The following RUNX1T1 variants were observed in gnomAD, a reference collection of about 807,000 sequenced individuals.
RUNX1T1 encodes the protein RUNX1 partner transcriptional co-repressor 1.
A neutral mutation model predicts 62.8 loss-of-function variants in RUNX1T1; 4 were observed. That is an observed-to-expected ratio of 0.06 (90% CI 0.03 to 0.15). The LOEUF is 0.15. Ranked by LOEUF, RUNX1T1 falls within the 10% of genes least tolerant of loss-of-function variation. The pLI, the probability that RUNX1T1 is intolerant of heterozygous loss-of-function variation, is 1.00. For synonymous variants in RUNX1T1, 291 were observed against 286.0 expected (o/e 1.02, Z -0.18); for missense variants, 508 against 754.3 (o/e 0.67, Z 3.82).
At chr8:91,971,987 A>G (rs1045301511) in intron 9 of RUNX1T1, among the ~76,000 whole-genome samples, 1 of 152,134 alleles carries the variant, frequency 6.6e-6, no homozygotes. Context: ...ATTAATTGAA[A>G]ATTTAATAAG....
chr8:92,045,764 T>C (rs572253099), intron 1 of RUNX1T1, among the ~76,000 whole-genome samples: 1 of 152,288 alleles, frequency 6.6e-6, no homozygotes, highest in South Asian at 2.1e-4. Flanking sequence ...GGACTGTGTC[T>C]TCCTCTCTTT....
intron 2 of RUNX1T1, among the ~76,000 whole-genome samples, chr8:92,015,180 A>G (rs1190293552): frequency 6.6e-6 from 1 of 152,206 alleles, no homozygotes; most frequent in Non-Finnish European, 1.5e-5. Flanking sequence ...TTACATCAAT[A>G]TAACAGGACT....
At chr8:91,955,405 T>C, downstream of RUNX1T1, 1 of 227,720 alleles carries the variant, frequency 4.4e-6, no homozygotes, top group East Asian at 6.3e-5. Context: ...AAAAAAAGAG[T>C]AACTATGAAA....
rs1812297892 is a variant in RUNX1T1, at chr8:91,969,398, A to T, written c.1458+1260T>A. ...ATGTTCATGTGAAAGTGACAGTTTTAATGATATGACATCAACTGTGCCTCA... is the reference window on the plus strand; with the variant it reads ...ATGTTCATGTGAAAGTGACAGTTTTTATGATATGACATCAACTGTGCCTCA... On this transcript the variant is annotated intron_variant, in intron 10 of 10. Coordinates refer to ENST00000396218, the Ensembl canonical transcript of RUNX1T1. Among the ~76,000 whole-genome samples, 2 of 152,238 alleles carry T rather than the reference A, an allele frequency of 1.3e-5. 1 individual carries two copies. The highest frequency in any genetic ancestry group is 1.3e-4 in the Admixed American group (2 of 15,286).
At chr8:92,094,964 T>C in intron 1 of RUNX1T1, 1 of 1,251,430 alleles carries the variant, frequency 8.0e-7, no homozygotes, top group African/African-American at 1.5e-5. Context: ...ATCGAGTCTC[T>C]TTAAACCTAT....
chr8:91,961,645 C>A (rs889363359), intron 10 of RUNX1T1, among the ~76,000 whole-genome samples: 13 of 152,206 alleles, frequency 8.5e-5, no homozygotes, highest in Middle Eastern at 3.2e-3. Context: ...AAGAAACTAA[C>A]CTTCAGGGAT....
intron 1 of RUNX1T1, among the ~76,000 whole-genome samples, chr8:92,081,956 A>G (rs778119519): frequency 6.6e-6 from 1 of 151,780 alleles, no homozygotes; most frequent in Non-Finnish European, 1.5e-5. Flanking sequence ...CGCAATCTCC[A>G]CTCACTGCAA....
downstream of RUNX1T1, chr8:91,958,474 A>G: frequency 5.1e-6 from 1 of 195,468 alleles, no homozygotes; most frequent in East Asian, 7.8e-5. Flanking sequence ...AGCAGTGTTA[A>G]AGCTGTCAAT....
chr8:91,971,914 A>T (rs746016522), intron 9 of RUNX1T1, among the ~76,000 whole-genome samples: 2 of 152,188 alleles, frequency 1.3e-5, no homozygotes, highest in Non-Finnish European at 2.9e-5. Flanking sequence ...TAACAGGGGA[A>T]AATATCCTCC....
intron 1 of RUNX1T1, among the ~76,000 whole-genome samples, chr8:92,084,275 G>A (rs1835745593): frequency 7.9e-6 from 1 of 127,100 alleles, no homozygotes; most frequent in Non-Finnish European, 1.6e-5. Flanking sequence ...AAAAGATGGG[G>A]TGTTTTGTTT....
intron 1 of RUNX1T1, among the ~76,000 whole-genome samples, chr8:92,078,786 C>A (rs897074802): frequency 3.3e-5 from 5 of 152,124 alleles, no homozygotes; most frequent in Admixed American, 2.0e-4. Context: ...AGACAGAAAA[C>A]CTTAATCACA....
At chr8:92,089,655 T>G (rs898953300) in intron 1 of RUNX1T1, among the ~76,000 whole-genome samples, 2 of 152,142 alleles carry the variant, frequency 1.3e-5, no homozygotes, top group Admixed American at 1.3e-4. Context: ...TAAAGGCAAT[T>G]TTCCTTGGAC....
exon 1 of RUNX1T1, chr8:92,062,805 C>T: frequency 2.7e-6 from 4 of 1,464,542 alleles, no homozygotes; most frequent in Non-Finnish European, 3.6e-6. Context: ...TTGAACCCAG[C>T]CCTGTCTCTT....
chr8:92,062,214 A>G (rs1832149650), intron 1 of RUNX1T1, among the ~76,000 whole-genome samples: 1 of 152,200 alleles, frequency 6.6e-6, no homozygotes, highest in South Asian at 2.1e-4. Context: ...GATAGTCACA[A>G]AATTCTGAAC....
intron 1 of RUNX1T1, among the ~76,000 whole-genome samples, chr8:92,057,692 A>G (rs1831260716): frequency 6.6e-6 from 1 of 152,202 alleles, no homozygotes; most frequent in South Asian, 2.1e-4. Flanking sequence ...TTACATTAAT[A>G]TTAATTAATG....
At chr8:92,088,295 T>C (rs926785752) in intron 1 of RUNX1T1, among the ~76,000 whole-genome samples, 2 of 152,224 alleles carry the variant, frequency 1.3e-5, no homozygotes, top group African/African-American at 2.4e-5. Flanking sequence ...ACTGTGTACA[T>C]AACATATGCA....
chr8:91,967,552 C>T (rs1444599488), intron 10 of RUNX1T1, among the ~76,000 whole-genome samples: 1 of 152,120 alleles, frequency 6.6e-6, no homozygotes, highest in African/African-American at 2.4e-5. Flanking sequence ...ATCATTAGCT[C>T]CGTTTTATAC....
At chr8:91,965,220 TCTC>T (rs777628977) in intron 10 of RUNX1T1, among the ~76,000 whole-genome samples, 9 of 152,154 alleles carry the variant, frequency 5.9e-5, no homozygotes, top group Non-Finnish European at 1.0e-4. Context: ...TTAACTTACT[TCTC>T]CTCATACTTC....
chr8:91,959,904 C>T (rs1368908162), exon 11 of RUNX1T1: 4 of 340,406 alleles, frequency 1.2e-5, no homozygotes, highest in Non-Finnish European at 2.2e-5. Context: ...GGTAAAGCAT[C>T]GGTTAATGAG....
Sources: allele counts gnomAD v4.1 joint callset (sites outside exome capture counted in the v4.1 genomes callset), GRCh38; gene constraint gnomAD v4.1.1; transcripts MANE v1.5; gene names NCBI Gene and HGNC (gene_info 2026-07-23, HGNC 2026-07-21).